Variants in TIPIN observed in about 807,000 individuals in gnomAD.
TIPIN encodes TIMELESS-interacting protein.
TIPIN carries 29 observed loss-of-function variants against 35.6 expected under a neutral mutation model. The observed-to-expected ratio is 0.82, with a 90% CI of 0.61 to 1.11. The LOEUF is 1.11. TIPIN is among the 50% of genes most tolerant of loss of function. The pLI is 0.00. For synonymous variants in TIPIN, 102 were observed against 121.5 expected (o/e 0.84, Z 1.06); for missense variants, 296 against 345.4 (o/e 0.86, Z 1.13).
intron 1 of TIPIN, among the ~76,000 whole-genome samples, chr15:66,386,041 T>G (rs4776784): frequency 0.85 from 129,461 of 151,600 alleles, 56,306 homozygotes; most frequent in East Asian, 1. Context: ...AAAATTGGGA[T>G]TACAGGCGTG....
At chr15:66,348,533 C>T (rs996998704) in intron 6 of TIPIN, among the ~76,000 whole-genome samples, 22 of 109,502 alleles carry the variant, frequency 2.0e-4, no homozygotes, top group African/African-American at 7.2e-4. Context: ...AAAAAAAATA[C>T]AAAAATTAAC....
intron 1 of TIPIN, among the ~76,000 whole-genome samples, chr15:66,367,645 G>A (rs572173608): frequency 2.0e-5 from 3 of 151,224 alleles, no homozygotes; most frequent in African/African-American, 2.4e-5. Context: ...TGCCTGCCTC[G>A]GCCTCCCAAA....
intron 6 of TIPIN, chr15:66,347,431 TACC>T (rs1206174499): frequency 3.1e-5 from 12 of 392,576 alleles, no homozygotes; most frequent in Non-Finnish European, 5.2e-5. Context: ...AATTTCCCAG[TACC>T]ACTTTATCCA....
In TIPIN at chr15:66,355,738, G is replaced by C. The variant is rs62627266; in HGVS notation, c.-9+901C>G. ...TGCACTCCAGCCTGAGCGAAAGAGCGAGACTCCGTTTCAAAACAAAAACAA... is the reference window on the plus strand; with the variant it reads ...TGCACTCCAGCCTGAGCGAAAGAGCCAGACTCCGTTTCAAAACAAAAACAA... On this transcript the variant is annotated intron_variant, in intron 1 of 7. Coordinates refer to ENST00000261881, the MANE Select transcript of TIPIN (RefSeq NM_017858.3). Among the ~76,000 whole-genome samples the C allele has an allele frequency of 9.2e-5, 14 of 152,252 alleles. No individual in the cohort carries two copies. In the East Asian group the frequency reaches 2.3e-3, roughly 25 times the overall value.
chr15:66,354,143 G>T (rs1001502209), intron 1 of TIPIN, among the ~76,000 whole-genome samples: 2 of 152,120 alleles, frequency 1.3e-5, no homozygotes, highest in Admixed American at 6.6e-5. Flanking sequence ...TATGCACAGA[G>T]CTTTAATAAG....
chr15:66,338,789 G>A (rs1431302205), intron 7 of TIPIN, among the ~76,000 whole-genome samples: 6 of 144,176 alleles, frequency 4.2e-5, no homozygotes, highest in Non-Finnish European at 9.0e-5. Context: ...ACTCCAGCCT[G>A]GGTGACAGAG....
intron 7 of TIPIN, among the ~76,000 whole-genome samples, chr15:66,340,798 T>C (rs1823850899): frequency 6.6e-6 from 1 of 152,056 alleles, no homozygotes; most frequent in Non-Finnish European, 1.5e-5. Context: ...GGTTTCATCA[T>C]GTTGGCCAGG....
In TIPIN at chr15:66,341,231, G is replaced by A. The variant is rs745413570; in HGVS notation, c.601C>T (p.Gln201Ter). ...LSRSLTEEQQ[Q>*]RIERNKQLAL... ...AGTTGTTTATTTCTCTCAATTCTTT[G>A]TTGTTGCTCTTCTGTTAGGCTTCTA... Residue 201 changes from glutamine to a stop codon, truncating the protein, a stop_gained, in exon 7 of 8, where the codon CAA (glutamine) becomes TAA (stop). Coordinates refer to ENST00000261881, the MANE Select transcript of TIPIN (RefSeq NM_017858.3). LOFTEE classifies it high-confidence loss of function. 4 of 1,613,328 alleles carry A rather than the reference G, an allele frequency of 2.5e-6. No homozygotes were observed. The highest frequency in any genetic ancestry group is 2.5e-6 in the Non-Finnish European group (3 of 1,179,986).
intron 1 of TIPIN, among the ~76,000 whole-genome samples, chr15:66,367,739 T>G (rs1382735146): frequency 6.6e-6 from 1 of 151,842 alleles, no homozygotes; most frequent in Non-Finnish European, 1.5e-5. Context: ...TTTTATGTTT[T>G]TTTTCCAAGA....
At chr15:66,359,452 T>G (rs1251264899), upstream of TIPIN, among the ~76,000 whole-genome samples, 12 of 152,120 alleles carry the variant, frequency 7.9e-5, no homozygotes, top group South Asian at 1.9e-3. Flanking sequence ...TTCAAGAGAT[T>G]CTCTGCCTCA....
chr15:66,379,529 T>A (rs1018587456), intron 1 of TIPIN: 2 of 1,610,370 alleles, frequency 1.2e-6, no homozygotes, highest in African/African-American at 2.7e-5. Flanking sequence ...CAACACCTGG[T>A]CTCATCCGCA....
At chr15:66,349,831 G>A (rs1227858098) in intron 4 of TIPIN, among the ~76,000 whole-genome samples, 3 of 152,020 alleles carry the variant, frequency 2.0e-5, no homozygotes, top group Admixed American at 2.0e-4. Flanking sequence ...AGTGAGCCAA[G>A]TTCACACCAC....
intron 1 of TIPIN, among the ~76,000 whole-genome samples, chr15:66,354,006 C>T (rs933585663): frequency 2.0e-4 from 30 of 152,064 alleles, no homozygotes; most frequent in Non-Finnish European, 3.2e-4. Flanking sequence ...ACCTGTAGTC[C>T]CAGCTACTCA....
At chr15:66,354,217 A>G (rs2093188700) in intron 1 of TIPIN, among the ~76,000 whole-genome samples, 1 of 152,174 alleles carries the variant, frequency 6.6e-6, no homozygotes. Context: ...TGCGATCCAG[A>G]TCACTACTTC....
chr15:66,347,487 T>C, intron 6 of TIPIN: 1 of 271,240 alleles, frequency 3.7e-6, no homozygotes, highest in South Asian at 3.4e-5. Context: ...GATATATATT[T>C]TTATTAACAA....
chr15:66,370,918 G>T (rs778904957), intron 1 of TIPIN, among the ~76,000 whole-genome samples: 1 of 152,068 alleles, frequency 6.6e-6, no homozygotes, highest in African/African-American at 2.4e-5. Flanking sequence ...GGATGAAAGT[G>T]TATCAAGCAA....
intron 1 of TIPIN, among the ~76,000 whole-genome samples, chr15:66,370,103 A>G (rs1306061838): frequency 6.6e-6 from 1 of 152,202 alleles, no homozygotes; most frequent in Non-Finnish European, 1.5e-5. Context: ...CTGTGATTTC[A>G]AAGGAAGTCA....
intron 1 of TIPIN, among the ~76,000 whole-genome samples, chr15:66,365,864 C>T (rs2093252029): frequency 6.6e-6 from 1 of 151,944 alleles, no homozygotes; most frequent in South Asian, 2.1e-4. Context: ...TATTAGTTTA[C>T]TTTTTTTACT....
intron 1 of TIPIN, among the ~76,000 whole-genome samples, chr15:66,353,444 G>A (rs1351802728): frequency 2.6e-5 from 4 of 151,812 alleles, no homozygotes; most frequent in South Asian, 4.2e-4. Context: ...GTGAAACCCC[G>A]TCTCTACTAA....
Sources: gnomAD v4.1 joint callset for allele counts (sites outside exome capture counted in the v4.1 genomes callset) on GRCh38, gnomAD v4.1.1 for gene constraint, MANE v1.5 for transcripts, NCBI Gene and HGNC (gene_info 2026-07-23, HGNC 2026-07-21) for gene names.